COL4A2: variants seen among roughly 807,000 people sequenced by gnomAD.
The protein encoded by COL4A2 is collagen alpha-2(IV) chain.
Under a neutral mutation model 200.2 loss-of-function variants are expected in COL4A2, and 99 were observed. The ratio of observed to expected loss-of-function variants is 0.49; its 90% CI spans 0.42 to 0.58. The LOEUF (loss-of-function observed/expected upper bound fraction) is 0.58, where lower values mean the gene tolerates loss of function less well. Among genes scored for constraint, COL4A2 ranks in the 20% least tolerant of loss-of-function variants. The probability of loss-of-function intolerance (pLI) is 0.00; values close to 1 mark genes in which losing one functional copy is unlikely to be tolerated. For synonymous variants in COL4A2, 897 were observed against 900.6 expected, an observed-to-expected ratio of 1.00 and a Z score of 0.07; for missense variants, 1,950 against 2,314.1, an observed-to-expected ratio of 0.84 and a Z score of 3.23.
In COL4A2 at chr13:110,313,366, T is replaced by C. The variant is rs375886908; in HGVS notation, c.99+5243T>C. Among the ~76,000 whole-genome samples, 10 of 152,312 alleles carry C rather than the reference T, an allele frequency of 6.6e-5. No homozygotes were observed. The East Asian group carries it at 1.9e-3, about 29-fold the overall frequency. On this transcript the variant is annotated intron_variant, in intron 3 of 47. Transcript: ENST00000360467. ...GAAAGGAGAAGGCGGCATCTAATTC[T>C]AGGGAGACTTCACAGGTGTCTCCAG...
At chr13:110,507,724 CAG>C (rs1883934097) in intron 46 of COL4A2, 7 of 600,832 alleles carry the variant, frequency 1.2e-5, no homozygotes, top group Non-Finnish European at 2.1e-5. Flanking sequence ...TGTAGAAGAA[CAG>C]AGCTGTTCCA....
intron 22 of COL4A2, 102 bp downstream of exon 22, chr13:110,459,036 G>T: frequency 3.5e-6 from 4 of 1,155,562 alleles, no homozygotes; most frequent in Non-Finnish European, 4.7e-6. Context: ...CTTCAGACCG[G>T]CAACACTCAT....
intron 26 of COL4A2, 93 bp from the exon 27 acceptor site, chr13:110,466,947 A>C: frequency 6.5e-7 from 1 of 1,534,410 alleles, no homozygotes; most frequent in Non-Finnish European, 8.9e-7. Context: ...GCCGGTTTGC[A>C]CAGCTCGTGC....
chr13:110,457,512 A>G lies in COL4A2; in HGVS notation c.1432+77A>G, dbSNP rs9515218. 472,301 of 847,884 alleles carry G rather than the reference A, an allele frequency of 0.56. 137,516 individuals are homozygous for G. Among genetic ancestry groups the G allele is most frequent in the Middle Eastern group, 0.69 (3,183 of 4,602 alleles). 52.5% of individuals were successfully genotyped at this position (847,884 alleles called of 1,614,324 possible). On this transcript the variant is annotated intron_variant, in intron 21 of 47. Coordinates refer to ENST00000360467, the MANE Select transcript of COL4A2 (RefSeq NM_001846.4). Reference sequence around the variant, plus strand: ...CCTCACCTTACAGAAGGTGAAATCCATCCCCCACTCACGTGTTTGGACATG... The same window carrying G: ...CCTCACCTTACAGAAGGTGAAATCCGTCCCCCACTCACGTGTTTGGACATG...
intron 4 of COL4A2, among the ~76,000 whole-genome samples, chr13:110,422,985 A>G (rs1187517287): frequency 6.6e-6 from 1 of 152,178 alleles, no homozygotes; most frequent in Middle Eastern, 3.2e-3. Context: ...TGAACAGTTT[A>G]CCTAGGAAGT....
rs764820895 is a variant in COL4A2 at position 110,438,711 on chromosome 13, G to T, written c.912+43G>T. ...TAACTGCAGTTGTCGGTTTGGTTTG[G>T]TTTTTTTCAGTAGGCTTTCCTTTTT... On this transcript the variant is annotated intron_variant, in intron 15 of 47. Coordinates refer to ENST00000360467, the MANE Select transcript of COL4A2 (RefSeq NM_001846.4). 5.6e-6 allele frequency: 9 copies of T among 1,613,122 alleles called. No homozygotes were observed. The Admixed American group carries it at 1.0e-4, about 18-fold the overall frequency.
rs1884116210 is a variant in COL4A2, at chr13:110,512,328, TTA to T, written c.*138_*139del. Reference sequence around the variant, plus strand: ...AGGAATTTGCATCCAGCAGCAGCACTTAGACCTGCCAGCCACTGTCACCGAGC... The same window carrying T: ...AGGAATTTGCATCCAGCAGCAGCACTGACCTGCCAGCCACTGTCACCGAGC... On this transcript the variant is annotated 3_prime_UTR_variant, in exon 48 of 48. Transcript: ENST00000360467. 2.2e-6 allele frequency: 3 copies of T among 1,367,962 alleles called. No individual in the cohort carries two copies. The highest frequency in any genetic ancestry group is 1.9e-6 in the Non-Finnish European group (2 of 1,040,126). The allele number at this position is 1,367,962 out of a possible 1,614,324, so 84.7% of individuals were successfully genotyped here.
At chr13:110,481,667 C>T (rs1433189871) in intron 31 of COL4A2, among the ~76,000 whole-genome samples, 4 of 45,138 alleles carry the variant, frequency 8.9e-5, no homozygotes, top group South Asian at 2.1e-3. Flanking sequence ...TGGAGACACA[C>T]AGTTCTGTCC....
chr13:110,447,600 C>T (rs1424989598), intron 18 of COL4A2, among the ~76,000 whole-genome samples: 3 of 152,140 alleles, frequency 2.0e-5, no homozygotes, highest in Non-Finnish European at 4.4e-5. Context: ...TCCTGATAAT[C>T]GTGCGTATAT....
At chr13:110,493,821 G>GT (rs949985405) in intron 39 of COL4A2, among the ~76,000 whole-genome samples, 3 of 151,800 alleles carry the variant, frequency 2.0e-5, no homozygotes, top group Non-Finnish European at 4.4e-5. Flanking sequence ...TCGGGTTCTG[G>GT]GGGGGGCCGC....
At chr13:110,417,232 G>A (rs1438884075) in intron 4 of COL4A2, among the ~76,000 whole-genome samples, 4 of 152,094 alleles carry the variant, frequency 2.6e-5, no homozygotes, top group Admixed American at 2.6e-4. Flanking sequence ...TGGGATTACA[G>A]GCATGAGCCA....
intron 3 of COL4A2, among the ~76,000 whole-genome samples, chr13:110,339,419 A>C (rs1876352508): frequency 6.6e-6 from 1 of 152,110 alleles, no homozygotes; most frequent in South Asian, 2.1e-4. Flanking sequence ...CGTGGGAAGA[A>C]TGTCGTGGGA....
intron 4 of COL4A2, among the ~76,000 whole-genome samples, chr13:110,409,178 CACAT>C (rs746170863): frequency 1.2e-4 from 19 of 152,114 alleles, no homozygotes; most frequent in African/African-American, 2.4e-4. Context: ...CACATGTACA[CACAT>C]ACACGCACAT....
chr13:110,462,521 T>TAGAA, intron 24 of COL4A2, 137 bp downstream of exon 24: 3 of 752,808 alleles, frequency 4.0e-6, no homozygotes, highest in Non-Finnish European at 6.3e-6. Flanking sequence ...TTCTGCTCAT[T>TAGAA]CTATTTCTAA....
intron 15 of COL4A2, among the ~76,000 whole-genome samples, chr13:110,439,346 C>G (rs1881036257): frequency 6.6e-6 from 1 of 152,140 alleles, no homozygotes; most frequent in South Asian, 2.1e-4. Context: ...GAGTACAAGC[C>G]TTTTTACATT....
intron 13 of COL4A2, among the ~76,000 whole-genome samples, chr13:110,437,037 C>G (rs142380243): frequency 6.6e-6 from 1 of 152,198 alleles, no homozygotes; most frequent in South Asian, 2.1e-4. Context: ...ATGTCGGGCA[C>G]GCAGAATATC....
chr13:110,355,345 C>A (rs1276002901), intron 3 of COL4A2, among the ~76,000 whole-genome samples: 1,245 of 110,568 alleles, frequency 0.011, 330 homozygotes, highest in African/African-American at 0.11. Context: ...CACTAGCTCA[C>A]CTGTGTGTGT....
Position 110,370,764 on chromosome 13 carries a change from A to C in COL4A2, c.180+13212A>C, listed in dbSNP as rs144996475. Among the ~76,000 whole-genome samples, 1,069 of 152,284 alleles carry C rather than the reference A, an allele frequency of 7.0e-3. 12 individuals carry two copies. Among genetic ancestry groups the C allele is most frequent in the Non-Finnish European group, 0.012 (790 of 68,020 alleles). On this transcript the variant is annotated intron_variant, in intron 4 of 47. Transcript: ENST00000360467. Reference sequence around the variant, plus strand: ...TGATTTTCCTCTCTCCCTCTCTCCTACTTGTCTAATACTGATCTAATTCAG... The same window carrying C: ...TGATTTTCCTCTCTCCCTCTCTCCTCCTTGTCTAATACTGATCTAATTCAG...
At position 110,465,622 on chromosome 13, in the gene COL4A2, C is replaced by T. The variant is rs1882210192; in HGVS notation, c.1978+16C>T. 1 of 1,590,738 alleles carries T rather than the reference C, an allele frequency of 6.3e-7. No homozygotes were observed. The highest frequency in any genetic ancestry group is 1.4e-5 in the African/African-American group (1 of 73,680). On this transcript the variant is annotated intron_variant, in intron 25 of 47. Coordinates refer to ENST00000360467, the MANE Select transcript of COL4A2 (RefSeq NM_001846.4). ...GGACAAATAGGTATGAAGGAATCCT[C>T]CCTTTTACCTTTCACAGTCCTGAGA...
Sources: allele counts gnomAD v4.1 joint callset (sites outside exome capture counted in the v4.1 genomes callset), GRCh38; gene constraint gnomAD v4.1.1; transcripts MANE v1.5; gene names NCBI Gene and HGNC (gene_info 2026-07-23, HGNC 2026-07-21).